MRE11: variants seen among roughly 807,000 people sequenced by gnomAD.
MRE11 encodes the protein MRE11 double strand break repair nuclease.
Under a neutral mutation model 91.7 loss-of-function variants are expected in MRE11, and 62 were observed. The ratio of observed to expected loss-of-function variants is 0.68; its 90% CI spans 0.55 to 0.84. The LOEUF (loss-of-function observed/expected upper bound fraction) is 0.84. MRE11 is among the 40% of genes least tolerant of loss of function. The probability of loss-of-function intolerance (pLI) is 0.00; values close to 1 mark genes in which losing one functional copy is unlikely to be tolerated. For missense variants in MRE11, 796 were observed against 852.9 expected, an observed-to-expected ratio of 0.93 and a Z score of 0.83; for synonymous variants, 273 against 271.4, an observed-to-expected ratio of 1.01 and a Z score of -0.06.
At chr11:94,437,962 TAA>T in intron 16 of MRE11, among the ~76,000 whole-genome samples, 1 of 151,678 alleles carries the variant, frequency 6.6e-6, no homozygotes, top group African/African-American at 2.4e-5. Flanking sequence ...CCAACTCTAC[TAA>T]AAAATATATA....
At chr11:94,492,138 CTTTT>C (rs950941745) in intron 2 of MRE11, among the ~76,000 whole-genome samples, 2 of 148,206 alleles carry the variant, frequency 1.3e-5, no homozygotes, top group Non-Finnish European at 3.0e-5. Flanking sequence ...TCCCACATAA[CTTTT>C]TTTTTTTACG....
chr11:94,496,780 G>A (rs1203515729), upstream of MRE11: 3 of 1,613,960 alleles, frequency 1.9e-6, no homozygotes, highest in East Asian at 2.2e-5. Flanking sequence ...AACTTGAATT[G>A]TTGGAAACAC....
At chr11:94,445,755 C>T (rs1945908808) in intron 16 of MRE11, 55 bp downstream of exon 16, 3 of 1,304,610 alleles carry the variant, frequency 2.3e-6, no homozygotes, top group African/African-American at 1.5e-5. Flanking sequence ...ATGGTGATTA[C>T]CTTGGTCTTT....
chr11:94,495,969 C>T (rs1947412860), upstream of MRE11, among the ~76,000 whole-genome samples: 1 of 152,062 alleles, frequency 6.6e-6, no homozygotes, highest in Non-Finnish European at 1.5e-5. Context: ...TGAATGACAG[C>T]CAAAATTCAG....
At chr11:94,475,832 G>A (rs758319738) in intron 7 of MRE11, among the ~76,000 whole-genome samples, 1 of 152,098 alleles carries the variant, frequency 6.6e-6, no homozygotes, top group Non-Finnish European at 1.5e-5. Context: ...ACACATCCAA[G>A]CATCAAAATG....
chr11:94,438,592 A>T (rs1945689735), intron 16 of MRE11, among the ~76,000 whole-genome samples: 1 of 152,230 alleles, frequency 6.6e-6, no homozygotes, highest in Admixed American at 6.5e-5. Context: ...TAACTCTGAG[A>T]TCCTAGAAAA....
rs1565233888 is a variant in MRE11, at chr11:94,478,823, G to A, written c.456C>T (p.His152=). 1 of 1,613,836 alleles carries A rather than the reference G, an allele frequency of 6.2e-7. No homozygotes were observed. The highest frequency in any genetic ancestry group is 2.2e-5 in the East Asian group (1 of 44,816). Residue 152 remains histidine, a synonymous_variant, in exon 6 of 20, where the codon CAC becomes CAT. Transcript: ENST00000323929. ...DILSCAGFVN[H]FGRSMSVEKI... is the part of the protein sequence containing the mutation. ...TCTCCACAGACATTGAACGTCCAAA[G>A]TGATTTACAAATCCAGCACAACTTA...
intron 14 of MRE11, among the ~76,000 whole-genome samples, chr11:94,449,602 T>G (rs752575720): frequency 6.6e-6 from 1 of 152,234 alleles, no homozygotes; most frequent in African/African-American, 2.4e-5. Context: ...CTTTCTGTGA[T>G]AGTCATGCAT....
chr11:94,461,991 C>T (rs933618965), intron 11 of MRE11, among the ~76,000 whole-genome samples: 5 of 152,166 alleles, frequency 3.3e-5, no homozygotes, highest in East Asian at 3.9e-4. Flanking sequence ...AGGAGAATGG[C>T]GTGAACCTGG....
chr11:94,480,580 C>T (rs149333285), intron 4 of MRE11, among the ~76,000 whole-genome samples: 39 of 152,222 alleles, frequency 2.6e-4, no homozygotes, highest in Non-Finnish European at 5.1e-4. Flanking sequence ...CCTGGTGAGT[C>T]GACCTGTAAA....
chr11:94,454,996 C>T (rs1946210057), intron 14 of MRE11, among the ~76,000 whole-genome samples: 1 of 152,114 alleles, frequency 6.6e-6, no homozygotes, highest in African/African-American at 2.4e-5. Flanking sequence ...AGCTTCTTTT[C>T]CTTAGCTTCC....
chr11:94,420,754 C>T (rs1391513689), intron 19 of MRE11, among the ~76,000 whole-genome samples: 3 of 151,918 alleles, frequency 2.0e-5, no homozygotes, highest in African/African-American at 7.3e-5. Flanking sequence ...CCATGCTGGC[C>T]GGGCGCGGTG....
intron 16 of MRE11, among the ~76,000 whole-genome samples, chr11:94,441,452 T>C (rs1053438275): frequency 6.6e-6 from 1 of 152,130 alleles, no homozygotes; most frequent in African/African-American, 2.4e-5. Context: ...ATTATTCCTG[T>C]TGATAATTTT....
intron 19 of MRE11, among the ~76,000 whole-genome samples, chr11:94,423,490 C>T (rs1252942506): frequency 6.6e-6 from 1 of 152,224 alleles, no homozygotes; most frequent in Non-Finnish European, 1.5e-5. Flanking sequence ...CCTAAGACTT[C>T]TTATTTCCCC....
rs1947266764 is a variant in MRE11 at position 94,490,912 on chromosome 11, A to T, written c.74T>A (p.Phe25Tyr). 1.3e-6 allele frequency: 2 copies of T among 1,588,350 alleles called. No homozygotes were observed. Among genetic ancestry groups the T allele is most frequent in the Non-Finnish European group, 1.7e-6 (2 of 1,157,064 alleles). ...ILVATDIHLG[F>Y]MEKDAVRGND... The stretch of plus-strand genomic sequence containing the variant: ...TCCTCTGACTGCATCTTTCTCCATA[A>T]ATCCAAGATGAATATCTGTTGCAAC... Residue 25 changes from phenylalanine (F) to tyrosine (Y), a missense_variant, in exon 3 of 20, where the codon TTT (phenylalanine) becomes TAT (tyrosine). Coordinates refer to ENST00000323929, the MANE Select transcript of MRE11 (RefSeq NM_005591.4).
chr11:94,497,559 C>G (rs1309437588), upstream of MRE11: 3 of 156,198 alleles, frequency 1.9e-5, no homozygotes, highest in Admixed American at 6.4e-5. Context: ...AAATTACAAC[C>G]TAAAAGGTTG....
intron 4 of MRE11, 115 bp downstream of exon 4, chr11:94,485,809 A>G: frequency 3.1e-6 from 3 of 981,066 alleles, no homozygotes; most frequent in South Asian, 3.0e-5. Context: ...TCAAAGAATG[A>G]TATTTACTAA....
chr11:94,447,567 G>A (rs1300180647), intron 14 of MRE11, 129 bp from the exon 15 acceptor site: 2 of 931,684 alleles, frequency 2.1e-6, no homozygotes, highest in East Asian at 2.7e-5. Context: ...AGTGGCTCAC[G>A]CCTGTAATCT....
At chr11:94,459,054 A>G (rs1395842913) in intron 13 of MRE11, among the ~76,000 whole-genome samples, 4 of 152,192 alleles carry the variant, frequency 2.6e-5, no homozygotes, top group African/African-American at 9.6e-5. Flanking sequence ...CTTCTTGCTT[A>G]GCAGAAATTT....
Sources: allele counts gnomAD v4.1 joint callset (sites outside exome capture counted in the v4.1 genomes callset), GRCh38; gene constraint gnomAD v4.1.1; transcripts MANE v1.5; gene names NCBI Gene and HGNC (gene_info 2026-07-23, HGNC 2026-07-21).